Variants in ZHX2 observed in about 807,000 individuals in gnomAD.
ZHX2 encodes the protein zinc fingers and homeoboxes 2, also known as zinc fingers and homeoboxes protein 2.
Under a neutral mutation model 21.9 loss-of-function variants are expected in ZHX2, and 6 were observed. The ratio of observed to expected loss-of-function variants is 0.27; its 90% CI spans 0.15 to 0.54. ZHX2 has a LOEUF of 0.54. Ranked by LOEUF, ZHX2 falls within the 20% of genes least tolerant of loss-of-function variation. ZHX2 has a pLI of 0.95. For missense variants in ZHX2, 908 were observed against 1,090.7 expected, an observed-to-expected ratio of 0.83 and a Z score of 2.36; for synonymous variants, 434 against 437.1, an observed-to-expected ratio of 0.99 and a Z score of 0.09.
chr8:122,874,519 GA>G (rs1819518794), intron 2 of ZHX2, among the ~76,000 whole-genome samples: 1 of 152,126 alleles, frequency 6.6e-6, no homozygotes. Flanking sequence ...TTTTAGTAGA[GA>G]TGGGGTTTCA....
At chr8:122,904,331 C>G (rs1312501545) in intron 2 of ZHX2, among the ~76,000 whole-genome samples, 1 of 152,214 alleles carries the variant, frequency 6.6e-6, no homozygotes. Flanking sequence ...AAGCCAAATG[C>G]AGAGCCTAGA....
At chr8:122,906,069 C>A (rs1586377023) in intron 2 of ZHX2, among the ~76,000 whole-genome samples, 1 of 152,134 alleles carries the variant, frequency 6.6e-6, no homozygotes, top group Non-Finnish European at 1.5e-5. Flanking sequence ...TTCAAAAGTA[C>A]CTATCTAAAC....
Position 122,831,872 on chromosome 8 carries a change from A to G in ZHX2, c.-282-31605A>G, listed in dbSNP as rs147826020. The stretch of plus-strand genomic sequence containing the variant: ...TATGTTGATCTGTTGTCCTGCTGCT[A>G]GAGTGAGAGCTCGAGTGAGGGCGAT... On this transcript the variant is annotated intron_variant, in intron 1 of 3. Transcript: ENST00000314393. 5.4e-4 allele frequency among the ~76,000 whole-genome samples: 83 copies of G among 152,310 alleles called. 1 individual carries two copies. The highest frequency in any genetic ancestry group is 1.9e-3 in the African/African-American group (80 of 41,570).
chr8:122,842,464 G>C (rs1818657138), intron 1 of ZHX2, among the ~76,000 whole-genome samples: 1 of 152,330 alleles, frequency 6.6e-6, no homozygotes, highest in African/African-American at 2.4e-5. Flanking sequence ...CCAGCACTTT[G>C]GGAGGCCTAG....
At chr8:122,886,689 G>C (rs146887904) in intron 2 of ZHX2, among the ~76,000 whole-genome samples, 1 of 152,104 alleles carries the variant, frequency 6.6e-6, no homozygotes, top group Non-Finnish European at 1.5e-5. Context: ...TGATATAACA[G>C]AATTAACAAA....
chr8:122,819,645 G>T (rs545415962), intron 1 of ZHX2, among the ~76,000 whole-genome samples: 1 of 152,196 alleles, frequency 6.6e-6, no homozygotes, highest in Non-Finnish European at 1.5e-5. Context: ...ATTGGAGGGG[G>T]TGTCCTGCTC....
intron 1 of ZHX2, among the ~76,000 whole-genome samples, chr8:122,850,798 A>T (rs530942807): frequency 2.6e-5 from 4 of 151,668 alleles, no homozygotes; most frequent in African/African-American, 9.7e-5. Context: ...TTTTAAAAAC[A>T]TGGGTCAGAT....
At chr8:122,926,781 A>G (rs1332973050) in intron 2 of ZHX2, among the ~76,000 whole-genome samples, 2 of 151,964 alleles carry the variant, frequency 1.3e-5, no homozygotes, top group Non-Finnish European at 2.9e-5. Flanking sequence ...ACCTTCCTCT[A>G]TCTTCAGTGC....
intron 1 of ZHX2, among the ~76,000 whole-genome samples, chr8:122,797,581 G>A (rs193053214): frequency 3.3e-5 from 5 of 151,722 alleles, no homozygotes; most frequent in East Asian, 1.9e-4. Flanking sequence ...ACAAAGTTTC[G>A]GGGCAAAGTC....
At chr8:122,960,561 TAAG>T (rs374049647) in intron 3 of ZHX2, among the ~76,000 whole-genome samples, 4 of 151,692 alleles carry the variant, frequency 2.6e-5, no homozygotes, top group Non-Finnish European at 4.4e-5. Context: ...AATAAGTAAA[TAAG>T]AAGAAGAAGT....
intron 1 of ZHX2, among the ~76,000 whole-genome samples, chr8:122,798,507 A>T (rs1817656141): frequency 6.6e-6 from 1 of 152,110 alleles, no homozygotes; most frequent in Non-Finnish European, 1.5e-5. Context: ...AAAAGTAAGG[A>T]CCCGGCTGAG....
chr8:122,901,417 A>G lies in ZHX2; in HGVS notation c.-220+37878A>G, dbSNP rs940807010. ...GGTGAGGCCCAGAAATCTGCATTTTAATAAGCTCCCAAGCTGGGTTTCTAG... is the reference window on the plus strand; with the variant it reads ...GGTGAGGCCCAGAAATCTGCATTTTGATAAGCTCCCAAGCTGGGTTTCTAG... On this transcript the variant is annotated intron_variant, in intron 2 of 3. Transcript: ENST00000314393. 2.6e-5 allele frequency among the ~76,000 whole-genome samples: 4 copies of G among 152,174 alleles called. No individual in the cohort carries two copies. The South Asian group carries it at 8.3e-4, about 32-fold the overall frequency.
rs1813803326 is a variant in ZHX2 at position 122,974,126 on chromosome 8, G to A, written c.*889G>A. 6.6e-6 allele frequency: 1 copy of A among 152,476 alleles called. No individual in the cohort carries two copies. The highest frequency in any genetic ancestry group is 2.1e-4 in the South Asian group (1 of 4,818). The allele number at this position is 152,476 out of a possible 1,614,324, so 9.4% of individuals were successfully genotyped here. On this transcript the variant is annotated 3_prime_UTR_variant, in exon 4 of 4. Transcript: ENST00000314393. Reference sequence around the variant, plus strand: ...CAACAACAATAAGATCTTCCTATCTGGAGGGTACAGAGGTGAATGGCTTTG... The same window carrying A: ...CAACAACAATAAGATCTTCCTATCTAGAGGGTACAGAGGTGAATGGCTTTG...
Position 122,952,090 on chromosome 8 carries a change from G to C in ZHX2, c.580G>C (p.Ala194Pro). The change falls in exon 3 of 4, where the codon GCG (alanine) becomes CCG (proline). Residue 194 changes from alanine to proline, a missense_variant. Coordinates refer to ENST00000314393, the MANE Select transcript of ZHX2 (RefSeq NM_014943.5). The surrounding 1 kb of genome is among the most constrained non-coding windows in gnomAD (Gnocchi z 6.9). ...TPIMKPGKPK[A>P]DAKKVPKKPE... ...CATCATGAAGCCTGGAAAACCAAAA[G>C]CGGATGCCAAGAAGGTGCCCAAGAA... is the stretch of plus-strand genomic sequence containing the variant. 1 of 1,613,578 alleles carries C rather than the reference G, an allele frequency of 6.2e-7. No individual in the cohort carries two copies. Among genetic ancestry groups the C allele is most frequent in the Non-Finnish European group, 8.5e-7 (1 of 1,179,954 alleles).
At chr8:122,855,561 A>C (rs1285128807) in intron 1 of ZHX2, among the ~76,000 whole-genome samples, 1 of 151,992 alleles carries the variant, frequency 6.6e-6, no homozygotes, top group Non-Finnish European at 1.5e-5. Context: ...GCTCTTACTC[A>C]ATTCATGTGA....
At chr8:122,814,888 A>T (rs558278417) in intron 1 of ZHX2, among the ~76,000 whole-genome samples, 1 of 77,498 alleles carries the variant, frequency 1.3e-5, no homozygotes, top group South Asian at 3.9e-4. Context: ...GGATAAAAAC[A>T]TAATCCCTAC....
chr8:122,813,972 T>A (rs1343844127), intron 1 of ZHX2, among the ~76,000 whole-genome samples: 1 of 152,212 alleles, frequency 6.6e-6, no homozygotes, highest in African/African-American at 2.4e-5. Context: ...TTGTCCCCAT[T>A]TTATAGATGA....
At chr8:122,962,663 A>AT (rs568999077) in intron 3 of ZHX2, among the ~76,000 whole-genome samples, 86 of 152,348 alleles carry the variant, frequency 5.6e-4, no homozygotes, top group Middle Eastern at 3.4e-3. Flanking sequence ...GCTGGATCAA[A>AT]TGGTAGTTCT....
chr8:122,817,360 T>C (rs908668689), intron 1 of ZHX2, among the ~76,000 whole-genome samples: 2 of 152,154 alleles, frequency 1.3e-5, no homozygotes, highest in Admixed American at 1.3e-4. Context: ...GCACCAGACC[T>C]TTGCCCACTC....
Sources: allele counts gnomAD v4.1 joint callset (sites outside exome capture counted in the v4.1 genomes callset), GRCh38; gene constraint gnomAD v4.1.1; non-coding constraint Gnocchi (gnomAD v3.1); transcripts MANE v1.5; gene names NCBI Gene and HGNC (gene_info 2026-07-23, HGNC 2026-07-21).